Variants in PTPRN2 observed in about 807,000 individuals in gnomAD.
PTPRN2 encodes the protein protein tyrosine phosphatase receptor type N2.
PTPRN2 carries 74 observed loss-of-function variants against 118.8 expected under a neutral mutation model. That is an observed-to-expected ratio of 0.62 (90% CI 0.52 to 0.76). The LOEUF (loss-of-function observed/expected upper bound fraction) is 0.76. PTPRN2 is among the 30% of genes least tolerant of loss of function. PTPRN2 has a pLI of 0.00. For missense variants in PTPRN2, 1,481 were observed against 1,394.4 expected, an observed-to-expected ratio of 1.06 and a Z score of -0.99; for synonymous variants, 641 against 608.0, an observed-to-expected ratio of 1.05 and a Z score of -0.80.
chr7:158,087,396 C>G (rs1003231409), intron 10 of PTPRN2, among the ~76,000 whole-genome samples: 1 of 151,970 alleles, frequency 6.6e-6, no homozygotes, highest in African/African-American at 2.4e-5. Context: ...TCCCGATGGT[C>G]GTGCCAGGCA....
chr7:158,496,344 GC>G (rs1821855658), intron 1 of PTPRN2, among the ~76,000 whole-genome samples: 1 of 54,824 alleles, frequency 1.8e-5, no homozygotes, highest in Admixed American at 2.4e-4. Flanking sequence ...CCTTCCCTGT[GC>G]CCCCTTCCCT....
intron 2 of PTPRN2, among the ~76,000 whole-genome samples, chr7:158,343,466 C>T (rs1165293920): frequency 6.6e-6 from 1 of 152,134 alleles, no homozygotes; most frequent in Non-Finnish European, 1.5e-5. Context: ...CGGGCAGGAA[C>T]GTAACCTGAT....
chr7:157,763,382 C>CCCAGT lies in PTPRN2; in HGVS notation c.1789-80450_1789-80446dup, dbSNP rs777412038. ...TCTCCAGAGGCCCAAGACAGCCTGC[C>CCCAGT]CCAGTCACTGTGGCCATGGGGCGGC... On this transcript the variant is annotated intron_variant, in intron 12 of 22. Coordinates refer to ENST00000389418, the MANE Select transcript of PTPRN2 (RefSeq NM_002847.5). This position sits in a 1 kb window ranked among gnomAD's most constrained non-coding sequence, Gnocchi z 4.9. Among the ~76,000 whole-genome samples, 39 of 152,194 alleles carry CCCAGT rather than the reference C, an allele frequency of 2.6e-4. No homozygotes were observed. The highest frequency in any genetic ancestry group is 1.4e-3 in the Admixed American group (22 of 15,284).
chr7:157,649,085 C>T (rs1805405900), intron 14 of PTPRN2, among the ~76,000 whole-genome samples: 1 of 130,074 alleles, frequency 7.7e-6, no homozygotes, highest in South Asian at 2.8e-4. Flanking sequence ...CAGACCCATT[C>T]ACTGTGCACT....
intron 12 of PTPRN2, among the ~76,000 whole-genome samples, chr7:157,835,023 A>C (rs920618422): frequency 6.6e-6 from 1 of 152,198 alleles, no homozygotes; most frequent in African/African-American, 2.4e-5. Context: ...GCCTTTTGTC[A>C]GGAAAAGAAG....
chr7:157,879,441 C>T (rs532024878), intron 12 of PTPRN2, among the ~76,000 whole-genome samples: 2 of 152,354 alleles, frequency 1.3e-5, no homozygotes, highest in South Asian at 2.1e-4. Flanking sequence ...CAACGTCCTG[C>T]AGCTCCCATC....
intron 14 of PTPRN2, among the ~76,000 whole-genome samples, chr7:157,642,833 A>AAAAAAAAAAAAAAAAAAAAAAC (rs1563293011): frequency 6.8e-6 from 1 of 146,640 alleles, no homozygotes; most frequent in African/African-American, 2.5e-5. Flanking sequence ...AAAAAAAAAA[A>AAAAAAAAAAAAAAAAAAAAAAC]AAAAAAAAAA....
chr7:158,398,531 G>A (rs151304906), intron 2 of PTPRN2, among the ~76,000 whole-genome samples: 35 of 152,292 alleles, frequency 2.3e-4, no homozygotes, highest in African/African-American at 5.8e-4. Context: ...TGTTATTGCC[G>A]TTGTCAAAGT....
chr7:158,510,499 C>A (rs954158507), intron 1 of PTPRN2, among the ~76,000 whole-genome samples: 2 of 152,118 alleles, frequency 1.3e-5, no homozygotes, highest in Non-Finnish European at 2.9e-5. Context: ...CAGGCTAAGA[C>A]CATCTCACTC....
intron 12 of PTPRN2, among the ~76,000 whole-genome samples, chr7:157,882,701 C>G (rs765511898): frequency 5.4e-5 from 8 of 148,616 alleles, no homozygotes; most frequent in Non-Finnish European, 8.9e-5. Context: ...TGTCGGAGAA[C>G]AGAATACACC....
At chr7:157,759,731 A>G (rs573395154) in intron 12 of PTPRN2, among the ~76,000 whole-genome samples, 3 of 152,344 alleles carry the variant, frequency 2.0e-5, no homozygotes, top group East Asian at 1.9e-4. Flanking sequence ...AAATTACTTT[A>G]ACAAATAATG....
chr7:157,666,267 C>G (rs1796131955), intron 13 of PTPRN2, among the ~76,000 whole-genome samples: 1 of 152,226 alleles, frequency 6.6e-6, no homozygotes, highest in Non-Finnish European at 1.5e-5. Context: ...TCTGAAGGTC[C>G]CTGCGTCTCA....
At chr7:158,300,520 C>T (rs1218800861) in intron 3 of PTPRN2, among the ~76,000 whole-genome samples, 4 of 152,278 alleles carry the variant, frequency 2.6e-5, no homozygotes, top group Non-Finnish European at 1.5e-5. Flanking sequence ...GTGGTGCGCG[C>T]ACCTGCAGAG....
chr7:157,690,243 C>T lies in PTPRN2; in HGVS notation c.1789-7306G>A, dbSNP rs1797407214. ...TGCCCGCTCCTCCTCACAGGCCCACCCTAGACCCACTTGGGGATGATCCCA... is the reference window on the plus strand; with the variant it reads ...TGCCCGCTCCTCCTCACAGGCCCACTCTAGACCCACTTGGGGATGATCCCA... On this transcript the variant is annotated intron_variant, in intron 12 of 22. Coordinates refer to ENST00000389418, the MANE Select transcript of PTPRN2 (RefSeq NM_002847.5). The surrounding 1 kb of genome is among the most constrained non-coding windows in gnomAD (Gnocchi z 7.1). 6.6e-6 allele frequency among the ~76,000 whole-genome samples: 1 copy of T among 152,196 alleles called. No homozygotes were observed. Among genetic ancestry groups the T allele is most frequent in the African/African-American group, 2.4e-5 (1 of 41,468 alleles).
At chr7:158,576,529 C>T (rs997796053) in intron 1 of PTPRN2, among the ~76,000 whole-genome samples, 1 of 152,336 alleles carries the variant, frequency 6.6e-6, no homozygotes, top group African/African-American at 2.4e-5. Flanking sequence ...CTGCCTGCCT[C>T]TCCCGCAGAG....
intron 12 of PTPRN2, among the ~76,000 whole-genome samples, chr7:157,789,757 G>C (rs1467708993): frequency 1.3e-5 from 2 of 149,578 alleles, no homozygotes; most frequent in African/African-American, 2.5e-5. Context: ...GTGTGTGTGG[G>C]GTATATGTGT....
chr7:157,671,860 G>A lies in PTPRN2; in HGVS notation c.2001+10865C>T, dbSNP rs115692109. Among the ~76,000 whole-genome samples, 1,857 of 152,212 alleles carry A rather than the reference G, an allele frequency of 0.012. 46 individuals carry two copies. The highest frequency in any genetic ancestry group is 0.042 in the African/African-American group (1,764 of 41,514). ...GGTCTGGGGGCCTGCTGGGAATCCC[G>A]GTCTCAGAGGTCTCAGCTCTGACCG... is the stretch of plus-strand genomic sequence containing the variant. On this transcript the variant is annotated intron_variant, in intron 13 of 22. Transcript: ENST00000389418. This position sits in a 1 kb window ranked among gnomAD's most constrained non-coding sequence, Gnocchi z 4.1.
intron 12 of PTPRN2, among the ~76,000 whole-genome samples, chr7:157,803,355 C>T (rs990420758): frequency 1.3e-5 from 2 of 152,208 alleles, no homozygotes; most frequent in Admixed American, 6.5e-5. Flanking sequence ...AGAGACCACA[C>T]ACCCACCACT....
rs566757941 is a variant in PTPRN2, at chr7:158,450,591, C to T, written c.163+39144G>A. Among the ~76,000 whole-genome samples the T allele has an allele frequency of 4.6e-5, 7 of 152,294 alleles. 1 individual carries two copies. The East Asian group carries it at 9.7e-4, about 21-fold the overall frequency. On this transcript the variant is annotated intron_variant, in intron 2 of 22. Transcript: ENST00000389418. ...ACTTGATGGAAGCTGTGCTCACGGC[C>T]GCGCCTGCCTCTGCACCAGATTCAC...
Sources: allele counts gnomAD v4.1 joint callset (sites outside exome capture counted in the v4.1 genomes callset), GRCh38; gene constraint gnomAD v4.1.1; non-coding constraint Gnocchi (gnomAD v3.1); transcripts MANE v1.5; gene names NCBI Gene and HGNC (gene_info 2026-07-23, HGNC 2026-07-21).